PRX: variants seen among roughly 807,000 people sequenced by gnomAD.
PRX encodes periaxin.
PRX carries 24 observed loss-of-function variants against 29.6 expected under a neutral mutation model. The ratio of observed to expected loss-of-function variants is 0.81; its 90% CI spans 0.59 to 1.14. The LOEUF is 1.14. PRX is among the 50% of genes most tolerant of loss of function. PRX has a pLI of 0.00. For missense variants in PRX, 1,838 were observed against 1,926.4 expected (o/e 0.95, Z 0.86); for synonymous variants, 772 against 831.7 (o/e 0.93, Z 1.24).
chr19:40,404,034 G>T (rs1472949441), intron 4 of PRX, among the ~76,000 whole-genome samples, 172 bp from the exon 5 acceptor site: 1 of 152,188 alleles, frequency 6.6e-6, no homozygotes, highest in Non-Finnish European at 1.5e-5. Flanking sequence ...CTCCTCCTGG[G>T]CCCAAGGGAT....
rs750876990 is a variant in PRX at position 40,398,757 on chromosome 19, G to A, written c.244C>T (p.Arg82Cys). Residue 82 changes from arginine to cysteine, a missense_variant, in exon 6 of 7, where the codon CGC becomes TGC. Physicochemically the swap from Arg to Cys is radical, Grantham distance 180. Around this residue, in one of 3 missense-constraint regions of PRX, gnomAD observed 666 missense variants for 665.0 expected, o/e 1.00. Transcript: ENST00000324001. This position sits in a 1 kb window ranked among gnomAD's most constrained non-coding sequence, Gnocchi z 6.3. ...TAAGGCTCGGCGCATTGCAGCAGGC[G>A]TAGTGCGTCCTCGTACTTGAAGTTC... ...FENFKYEDAL[R>C]LLQCAEPYKV... The A allele has an allele frequency of 1.9e-6, 3 of 1,614,110 alleles. No individual in the cohort carries two copies. The highest frequency in any genetic ancestry group is 2.2e-5 in the South Asian group (2 of 91,084).
In PRX at chr19:40,398,835, T is replaced by A. The variant is rs762147921; in HGVS notation, c.185-19A>T. ...TGGTCCCCTGCGGGCGAGGTGGAGG[T>A]GCGCAGCACGTGGGCATCTCCCGGC... is the stretch of plus-strand genomic sequence containing the variant. On this transcript the variant is annotated intron_variant, in intron 5 of 6. Transcript: ENST00000324001. This position sits in a 1 kb window ranked among gnomAD's most constrained non-coding sequence, Gnocchi z 6.3. The A allele has an allele frequency of 3.7e-6, 6 of 1,613,616 alleles. No homozygotes were observed. In the Admixed American group the frequency reaches 1.0e-4, roughly 27 times the overall value.
At chr19:40,399,801 C>A (rs1418992204) in intron 5 of PRX, among the ~76,000 whole-genome samples, 9 of 152,182 alleles carry the variant, frequency 5.9e-5, no homozygotes, top group Admixed American at 5.9e-4. Flanking sequence ...ACCCCAGCCT[C>A]CCAAAATGCT....
At position 40,398,824 on chromosome 19, in the gene PRX, C is replaced by A. The variant is rs768814221; in HGVS notation, c.185-8G>T. 2 of 1,613,940 alleles carry A rather than the reference C, an allele frequency of 1.2e-6. No individual in the cohort carries two copies. The highest frequency in any genetic ancestry group is 2.2e-5 in the East Asian group (1 of 44,872). ...CACTCAGCAGCTGGTCCCCTGCGGG[C>A]GAGGTGGAGGTGCGCAGCACGTGGG... On this transcript the variant is annotated splice_region_variant and splice_polypyrimidine_tract_variant and intron_variant, in intron 5 of 6. Coordinates refer to ENST00000324001, the MANE Select transcript of PRX (RefSeq NM_181882.3). The surrounding 1 kb of genome is among the most constrained non-coding windows in gnomAD (Gnocchi z 6.3).
intron 4 of PRX, among the ~76,000 whole-genome samples, chr19:40,406,650 C>T (rs980364975): frequency 6.6e-6 from 1 of 152,066 alleles, no homozygotes; most frequent in Non-Finnish European, 1.5e-5. Flanking sequence ...ATGGTCAATG[C>T]CAATCCACCA....
upstream of PRX, among the ~76,000 whole-genome samples, chr19:40,414,355 C>T (rs2079571934): frequency 6.6e-6 from 1 of 152,174 alleles, no homozygotes; most frequent in Non-Finnish European, 1.5e-5. Flanking sequence ...AACTCCTGGG[C>T]TCAAGCGATC....
chr19:40,403,639 G>T, intron 5 of PRX, 67 bp downstream of exon 5: 1 of 1,489,060 alleles, frequency 6.7e-7, no homozygotes, highest in East Asian at 2.5e-5. Flanking sequence ...CCTCTCTTTG[G>T]ACCCAAGGCA....
In PRX at chr19:40,394,160, C is replaced by G; in HGVS notation, c.4192G>C (p.Ala1398Pro). Residue 1398 changes from alanine to proline, a missense_variant, in exon 7 of 7, where the codon GCC becomes CCC. Ala to Pro is a conservative substitution (Grantham distance 27). Around this residue, in one of 3 missense-constraint regions of PRX, gnomAD observed 1,143 missense variants for 1,193.0 expected, o/e 0.96. Coordinates refer to ENST00000324001, the MANE Select transcript of PRX (RefSeq NM_181882.3). The surrounding 1 kb of genome is among the most constrained non-coding windows in gnomAD (Gnocchi z 5.8). ...TTCTCTCTGACGGGGGACTTGGGGG[C>G]TGCATCGCCCTCCTGCCCCCGAGAG... The part of the protein sequence containing the change: ...KASRGQEGDA[A>P]PKSPVREKSP... 1 of 1,589,200 alleles carries G rather than the reference C, an allele frequency of 6.3e-7. No homozygotes were observed. The highest frequency in any genetic ancestry group is 1.3e-5 in the African/African-American group (1 of 74,354).
Position 40,393,930 on chromosome 19 carries a change from G to A in PRX, c.*36C>T. On this transcript the variant is annotated 3_prime_UTR_variant, in exon 7 of 7. Coordinates refer to ENST00000324001, the MANE Select transcript of PRX (RefSeq NM_181882.3). ...ACACAACAGCGAGGGGGTAGAGAAA[G>A]GAAGGCAAGAAGGGATCCCCATCTG... is the stretch of plus-strand genomic sequence containing the variant. 3 of 1,605,120 alleles carry A rather than the reference G, an allele frequency of 1.9e-6. No individual in the cohort carries two copies. Among genetic ancestry groups the A allele is most frequent in the Non-Finnish European group, 1.7e-6 (2 of 1,179,644 alleles).
At chr19:40,399,489 C>A (rs768340241) in intron 5 of PRX, among the ~76,000 whole-genome samples, 21 of 152,168 alleles carry the variant, frequency 1.4e-4, no homozygotes, top group African/African-American at 5.1e-4. Context: ...CTTTCCAACA[C>A]GCACATCTGA....
intron 1 of PRX, among the ~76,000 whole-genome samples, chr19:40,409,384 T>C (rs2145747497): frequency 6.6e-6 from 1 of 152,056 alleles, no homozygotes; most frequent in East Asian, 1.9e-4. Flanking sequence ...GCAGGGCTGT[T>C]CCGAGGCTCA....
chr19:40,413,685 G>C (rs1343155643), upstream of PRX, among the ~76,000 whole-genome samples: 1 of 152,102 alleles, frequency 6.6e-6, no homozygotes, highest in Non-Finnish European at 1.5e-5. Flanking sequence ...CCAGGACCCG[G>C]GCCTGGCCAA....
At position 40,398,857 on chromosome 19, in the gene PRX, C is replaced by T. The variant is rs1314512592; in HGVS notation, c.185-41G>A. The T allele has an allele frequency of 6.2e-7, 1 of 1,612,966 alleles. No homozygotes were observed. Among genetic ancestry groups the T allele is most frequent in the African/African-American group, 1.3e-5 (1 of 74,908 alleles). ...AGGTGCGCAGCACGTGGGCATCTCC[C>T]GGCTCCGCCCGGGCCTAGTTCTGCC... On this transcript the variant is annotated intron_variant, in intron 5 of 6. Coordinates refer to ENST00000324001, the MANE Select transcript of PRX (RefSeq NM_181882.3). This position sits in a 1 kb window ranked among gnomAD's most constrained non-coding sequence, Gnocchi z 6.3.
intron 5 of PRX, among the ~76,000 whole-genome samples, chr19:40,399,869 T>TTC (rs1428784507): frequency 1.5e-5 from 1 of 65,966 alleles, no homozygotes; most frequent in East Asian, 2.4e-4. Context: ...CTTTCTTTCT[T>TTC]TCTTTCTTTC....
Position 40,395,072 on chromosome 19 carries a change from G to A in PRX, c.3280C>T (p.Leu1094Phe), listed in dbSNP as rs2079418891. 5 of 1,613,176 alleles carry A rather than the reference G, an allele frequency of 3.1e-6. No individual in the cohort carries two copies. Among genetic ancestry groups the A allele is most frequent in the Non-Finnish European group, 4.2e-6 (5 of 1,180,002 alleles). Residue 1094 changes from leucine (L) to phenylalanine (F), a missense_variant, in exon 7 of 7, where the codon CTT (leucine) becomes TTT (phenylalanine). Leu to Phe is a conservative substitution (Grantham distance 22, BLOSUM62 0). Coordinates refer to ENST00000324001, the MANE Select transcript of PRX (RefSeq NM_181882.3). ...GEKAESTAVQ[L>F]KIPEVELVTL... Reference sequence around the variant, plus strand: ...ACCAGCTCCACCTCGGGGATCTTAAGCTGCACAGCGGTGGACTCAGCCTTT... The same window carrying A: ...ACCAGCTCCACCTCGGGGATCTTAAACTGCACAGCGGTGGACTCAGCCTTT...
chr19:40,395,300 C>G lies in PRX; in HGVS notation c.3052G>C (p.Gly1018Arg). The G allele has an allele frequency of 6.2e-7, 1 of 1,613,690 alleles. No homozygotes were observed. The highest frequency in any genetic ancestry group is 8.5e-7 in the Non-Finnish European group (1 of 1,180,034). Residue 1018 changes from glycine to arginine, a missense_variant, in exon 7 of 7, where the codon GGG (glycine) becomes CGG (arginine). Coordinates refer to ENST00000324001, the MANE Select transcript of PRX (RefSeq NM_181882.3). ...AACTTGGGGAGAGCAAACCTGGGCC[C>G]CTTGAACTTGAGGTCGGCCCCTGCC... ...EVAGADLKFK[G>R]PRFALPKFGV... is the part of the protein sequence containing the mutation.
Position 40,395,559 on chromosome 19 carries a change from G to C in PRX, c.2793C>G (p.Phe931Leu). 6.2e-7 allele frequency: 1 copy of C among 1,614,208 alleles called. No homozygotes were observed. The highest frequency in any genetic ancestry group is 8.5e-7 in the Non-Finnish European group (1 of 1,180,032). ...CCGAGAGTCCAAACTTAGGTAAGGA[G>C]AACTTGGAAGAGGGCTTGACTTTTG... ...IETKVKPSSK[F>L]SLPKFGLSGP... is the part of the protein sequence containing the mutation. The change falls in exon 7 of 7, where the codon TTC becomes TTG. Residue 931 changes from phenylalanine to leucine, a missense_variant. By Grantham distance (22) the Phe-to-Leu change is conservative. Transcript: ENST00000324001.
At chr19:40,407,785 A>G (rs1172635115) in intron 4 of PRX, 121 bp downstream of exon 4, 1 of 1,393,088 alleles carries the variant, frequency 7.2e-7, no homozygotes, top group Non-Finnish European at 1.0e-6. Context: ...CCCTGTTATT[A>G]TTTCCATTTC....
intron 5 of PRX, among the ~76,000 whole-genome samples, chr19:40,402,774 CAA>C (rs568158954): frequency 2.7e-5 from 3 of 110,522 alleles, no homozygotes; most frequent in Non-Finnish European, 3.6e-5. Flanking sequence ...GACTCCGTCT[CAA>C]AAAAAAAAAA....
Sources: allele counts gnomAD v4.1 joint callset (sites outside exome capture counted in the v4.1 genomes callset), GRCh38; gene constraint gnomAD v4.1.1; regional missense constraint gnomAD v4.1.1; non-coding constraint Gnocchi (gnomAD v3.1); transcripts MANE v1.5; gene names NCBI Gene and HGNC (gene_info 2026-07-23, HGNC 2026-07-21).